Variants in SLC1A2 observed in about 807,000 individuals in gnomAD.
SLC1A2 encodes the protein excitatory amino acid transporter 2.
In SLC1A2, 15 loss-of-function variants were observed where a neutral mutation model predicts 48.8. That is an observed-to-expected ratio of 0.31 (90% CI 0.21 to 0.47). The LOEUF is 0.47. Among genes scored for constraint, SLC1A2 ranks in the 20% least tolerant of loss-of-function variants. The probability of loss-of-function intolerance (pLI) is 0.99; values close to 1 mark genes in which losing one functional copy is unlikely to be tolerated. For synonymous variants in SLC1A2, 279 were observed against 272.6 expected, an observed-to-expected ratio of 1.02 and a Z score of -0.23; for missense variants, 502 against 730.5, an observed-to-expected ratio of 0.69 and a Z score of 3.61.
At chr11:35,276,208 A>C (rs2134662668) in intron 9 of SLC1A2, among the ~76,000 whole-genome samples, 1 of 152,278 alleles carries the variant, frequency 6.6e-6, no homozygotes, top group South Asian at 2.1e-4. Flanking sequence ...CACATGATGT[A>C]GCTGAGGCTC....
intron 1 of SLC1A2, among the ~76,000 whole-genome samples, chr11:35,415,792 C>CA (rs1219833359): frequency 2.0e-5 from 3 of 152,158 alleles, no homozygotes; most frequent in African/African-American, 4.8e-5. Flanking sequence ...GATCAGAAGA[C>CA]AGATTGCCGT....
rs563930641 is a variant in SLC1A2 at position 35,380,521 on chromosome 11, T to G, written c.17+38429A>C. 6 of 398,236 alleles carry G rather than the reference T, an allele frequency of 1.5e-5. No individual in the cohort carries two copies. In the South Asian group the frequency reaches 7.7e-4, roughly 51 times the overall value. 24.7% of individuals were successfully genotyped at this position (398,236 alleles called of 1,614,324 possible). On this transcript the variant is annotated intron_variant, in intron 1 of 10. Transcript: ENST00000278379. ...GATTGGTCTGATCTCTCGATACATCTTAGTTCAGGTCTACAGCGAGCTGCA... is the reference window on the plus strand; with the variant it reads ...GATTGGTCTGATCTCTCGATACATCGTAGTTCAGGTCTACAGCGAGCTGCA...
intron 1 of SLC1A2, among the ~76,000 whole-genome samples, chr11:35,389,616 A>G (rs1384206088): frequency 6.6e-6 from 1 of 151,892 alleles, no homozygotes; most frequent in Non-Finnish European, 1.5e-5. Context: ...GATTACAGGC[A>G]CGAGCCACTA....
rs1336702273 is a variant in SLC1A2, at chr11:35,251,472, T to G, written c.*9422A>C. On this transcript the variant is annotated 3_prime_UTR_variant, in exon 11 of 11. Transcript: ENST00000278379. ...AACAATTCAAAAATTAGTTGAAGAT[T>G]TTATCTTTTTGCATTCATTAGTCTT... 12 of 152,598 alleles carry G rather than the reference T, an allele frequency of 7.9e-5. No homozygotes were observed. The highest frequency in any genetic ancestry group is 1.8e-4 in the Non-Finnish European group (12 of 68,032). The allele number at this position is 152,598 out of a possible 1,614,324, so 9.5% of individuals were successfully genotyped here. A position where few individuals can be genotyped will look rare whatever the true frequency, so the allele number is the denominator to read the frequency against.
chr11:35,281,045 T>A (rs1296408754), intron 8 of SLC1A2, 44 bp from the exon 9 acceptor site: 6 of 1,513,942 alleles, frequency 4.0e-6, no homozygotes, highest in Non-Finnish European at 4.4e-6. Context: ...GGAAAGAATC[T>A]TAGCAAAACC....
chr11:35,414,043 C>T (rs1012171814), intron 1 of SLC1A2, among the ~76,000 whole-genome samples: 2 of 152,188 alleles, frequency 1.3e-5, no homozygotes, highest in Admixed American at 6.5e-5. Context: ...GCCATCAAAT[C>T]GAGTTCATTC....
intron 6 of SLC1A2, chr11:35,297,989 T>C (rs975055991): frequency 5.9e-5 from 9 of 152,222 alleles, no homozygotes; most frequent in African/African-American, 2.2e-4. Flanking sequence ...CAACTTGCAA[T>C]AGGAGGATCC....
intron 1 of SLC1A2, among the ~76,000 whole-genome samples, chr11:35,379,503 G>A (rs183938864): frequency 1.1e-4 from 17 of 152,278 alleles, no homozygotes; most frequent in African/African-American, 3.6e-4. Context: ...CATATTCCTC[G>A]GGAGAGATCA....
intron 5 of SLC1A2, among the ~76,000 whole-genome samples, chr11:35,305,405 C>T (rs1434455234): frequency 1.3e-5 from 2 of 152,160 alleles, no homozygotes; most frequent in Non-Finnish European, 2.9e-5. Context: ...ACAAATGAGG[C>T]TCAGAGAAAT....
intron 1 of SLC1A2, among the ~76,000 whole-genome samples, chr11:35,375,552 T>C (rs558019131): frequency 6.6e-6 from 1 of 152,284 alleles, no homozygotes; most frequent in East Asian, 1.9e-4. Flanking sequence ...GCCCTGGAGA[T>C]GGAACCCCCG....
At chr11:35,386,356 G>T (rs1404928345) in intron 1 of SLC1A2, among the ~76,000 whole-genome samples, 1 of 151,818 alleles carries the variant, frequency 6.6e-6, no homozygotes, top group Non-Finnish European at 1.5e-5. Flanking sequence ...GAAAAAAAAA[G>T]ATGTCATTTA....
chr11:35,369,780 T>G (rs1853995703), intron 1 of SLC1A2, among the ~76,000 whole-genome samples: 1 of 152,218 alleles, frequency 6.6e-6, no homozygotes, highest in Admixed American at 6.5e-5. Flanking sequence ...TCAGCCCAGA[T>G]GACAAGGTGT....
At chr11:35,378,677 G>A (rs1276056148) in intron 1 of SLC1A2, among the ~76,000 whole-genome samples, 1 of 152,236 alleles carries the variant, frequency 6.6e-6, no homozygotes. Context: ...GATAAGTCTT[G>A]TGCCTTGAAC....
chr11:35,295,136 C>A (rs545289805), intron 6 of SLC1A2, among the ~76,000 whole-genome samples: 1 of 152,250 alleles, frequency 6.6e-6, no homozygotes, highest in South Asian at 2.1e-4. Context: ...TAACCTTGAC[C>A]TCCTGGGCTC....
rs116740934 is a variant in SLC1A2 at position 35,287,814 on chromosome 11, G to T, written c.1092-863C>A. Among the ~76,000 whole-genome samples, 1,134 of 152,282 alleles carry T rather than the reference G, an allele frequency of 7.4e-3. 14 individuals are homozygous for T. The highest frequency in any genetic ancestry group is 0.025 in the African/African-American group (1,045 of 41,542). The stretch of plus-strand genomic sequence containing the variant: ...TATTTCCATGTGGATAGAAGTGCCT[G>T]GGAGGGTGAGTGGATTTGCTGCAAA... On this transcript the variant is annotated intron_variant, in intron 7 of 10. Coordinates refer to ENST00000278379, the MANE Select transcript of SLC1A2 (RefSeq NM_004171.4).
intron 1 of SLC1A2, among the ~76,000 whole-genome samples, chr11:35,398,883 G>A (rs963457698): frequency 6.6e-6 from 1 of 152,184 alleles, no homozygotes; most frequent in Non-Finnish European, 1.5e-5. Flanking sequence ...GAGGGGCAAT[G>A]TGAGGAGGCT....
intron 1 of SLC1A2, among the ~76,000 whole-genome samples, chr11:35,348,624 G>T (rs1285647328): frequency 6.6e-6 from 1 of 152,000 alleles, no homozygotes; most frequent in Non-Finnish European, 1.5e-5. Flanking sequence ...CAGGCATGGT[G>T]GCTCATCCTG....
At chr11:35,374,260 G>C (rs1378226024) in intron 1 of SLC1A2, 10 of 928,638 alleles carry the variant, frequency 1.1e-5, no homozygotes, top group Non-Finnish European at 1.6e-5. Context: ...TCCCGAAGCT[G>C]AGAAATGGAA....
chr11:35,402,740 T>C (rs1020830409), intron 1 of SLC1A2, among the ~76,000 whole-genome samples: 3 of 152,202 alleles, frequency 2.0e-5, no homozygotes, highest in African/African-American at 7.2e-5. Flanking sequence ...CCCAGGTGGA[T>C]AGCATCAGAA....
Sources: allele counts gnomAD v4.1 joint callset (sites outside exome capture counted in the v4.1 genomes callset), GRCh38; gene constraint gnomAD v4.1.1; transcripts MANE v1.5; gene names NCBI Gene and HGNC (gene_info 2026-07-23, HGNC 2026-07-21).